Variants in WNT2B observed in about 807,000 individuals in gnomAD.
WNT2B encodes Wnt family member 2B, also known as protein Wnt-2b.
WNT2B carries 19 observed loss-of-function variants against 40.5 expected under a neutral mutation model. That is an observed-to-expected ratio of 0.47 (90% CI 0.33 to 0.69). WNT2B has a LOEUF of 0.69. Ranked by LOEUF, WNT2B falls within the 30% of genes least tolerant of loss-of-function variation. WNT2B has a pLI of 0.02. For synonymous variants in WNT2B, 220 were observed against 211.9 expected (o/e 1.04, Z -0.33); for missense variants, 467 against 556.4 (o/e 0.84, Z 1.62).
intron 1 of WNT2B, among the ~76,000 whole-genome samples, chr1:112,468,560 G>A (rs1650776485): frequency 6.6e-6 from 1 of 152,012 alleles, no homozygotes; most frequent in Non-Finnish European, 1.5e-5. Context: ...ATGACATTGA[G>A]CATTTTTTCA....
intron 1 of WNT2B, among the ~76,000 whole-genome samples, chr1:112,476,193 C>T (rs528986082): frequency 6.6e-6 from 1 of 151,968 alleles, no homozygotes; most frequent in Admixed American, 6.6e-5. Context: ...TACCAAATAA[C>T]CCATGGGTCA....
intron 1 of WNT2B, among the ~76,000 whole-genome samples, chr1:112,476,667 A>G (rs1457050386): frequency 6.6e-6 from 1 of 152,168 alleles, no homozygotes; most frequent in Non-Finnish European, 1.5e-5. Flanking sequence ...GAGCAGGAGG[A>G]CCCCAGCATC....
rs1199285398 is a variant in WNT2B, at chr1:112,527,372, C to T, written c.*6863C>T. 6.5e-6 allele frequency: 1 copy of T among 152,772 alleles called. No individual in the cohort carries two copies. Among genetic ancestry groups the T allele is most frequent in the Admixed American group, 6.5e-5 (1 of 15,280 alleles). The allele number at this position is 152,772 out of a possible 1,614,324, so 9.5% of individuals were successfully genotyped here. ...TTTTTGGTCCATCGATCTTGGCTCTCACTGTTCTCCCTGCTTCCCACCCCC... is the reference window on the plus strand; with the variant it reads ...TTTTTGGTCCATCGATCTTGGCTCTTACTGTTCTCCCTGCTTCCCACCCCC... On this transcript the variant is annotated 3_prime_UTR_variant, in exon 5 of 5. Coordinates refer to ENST00000369684, the MANE Select transcript of WNT2B (RefSeq NM_024494.3).
At position 112,521,310 on chromosome 1, in the gene WNT2B, CCTTT is replaced by C. The variant is rs1190035633; in HGVS notation, c.*802_*805del. 4 of 106,480 alleles carry C rather than the reference CCTTT, an allele frequency of 3.8e-5. No individual in the cohort carries two copies. The highest frequency in any genetic ancestry group is 5.6e-5 in the Non-Finnish European group (3 of 54,044). 6.6% of individuals were successfully genotyped at this position (106,480 alleles called of 1,614,324 possible). A position where few individuals can be genotyped will look rare whatever the true frequency, so the allele number is the denominator to read the frequency against. On this transcript the variant is annotated 3_prime_UTR_variant, in exon 5 of 5. Coordinates refer to ENST00000369684, the MANE Select transcript of WNT2B (RefSeq NM_024494.3). ...GTAAGTCTGGCTAGGCCTTGTGTTG[CCTTT>C]TTTTTTTTTTTTTTTTTCTTTTCTT...
At chr1:112,507,717 C>T (rs1652158152), upstream of WNT2B, among the ~76,000 whole-genome samples, 1 of 152,172 alleles carries the variant, frequency 6.6e-6, no homozygotes. Flanking sequence ...TTGGGGGCAT[C>T]GGCAGTTACT....
At chr1:112,481,911 C>T (rs1242610722) in intron 1 of WNT2B, among the ~76,000 whole-genome samples, 1 of 151,982 alleles carries the variant, frequency 6.6e-6, no homozygotes, top group Admixed American at 6.6e-5. Flanking sequence ...CCTTGGGAGG[C>T]AGAGGCGGGC....
intron 1 of WNT2B, among the ~76,000 whole-genome samples, chr1:112,512,556 AG>A (rs1206719820): frequency 6.6e-6 from 1 of 152,234 alleles, no homozygotes; most frequent in Non-Finnish European, 1.5e-5. Context: ...GGCCAAAAGC[AG>A]GTGAAGAGAA....
intron 1 of WNT2B, among the ~76,000 whole-genome samples, chr1:112,503,888 C>T (rs898761759): frequency 3.4e-4 from 51 of 152,054 alleles, no homozygotes; most frequent in Non-Finnish European, 5.6e-4. Context: ...AGAGAAGAGA[C>T]ATGGGGAGAG....
chr1:112,483,481 AG>A (rs1651294104), intron 1 of WNT2B, among the ~76,000 whole-genome samples: 1 of 152,196 alleles, frequency 6.6e-6, no homozygotes, highest in Admixed American at 6.5e-5. Flanking sequence ...CAACTCAAAA[AG>A]GATTACAGAT....
chr1:112,490,879 C>G, intron 1 of WNT2B: 1 of 836,300 alleles, frequency 1.2e-6, no homozygotes, highest in Non-Finnish European at 1.9e-6. Context: ...CAAAATTTAC[C>G]TCTTCCGGAA....
chr1:112,487,891 G>A (rs6690056), intron 1 of WNT2B, among the ~76,000 whole-genome samples: 3,827 of 134,900 alleles, frequency 0.028, 169 homozygotes, highest in African/African-American at 0.1. Context: ...CCGAGATTGC[G>A]CCACTGCACT....
Position 112,493,664 on chromosome 1 carries a change from G to A in WNT2B, c.-94-21210G>A, listed in dbSNP as rs529440276. Among the ~76,000 whole-genome samples, 8 of 151,918 alleles carry A rather than the reference G, an allele frequency of 5.3e-5. No homozygotes were observed. The South Asian group carries it at 1.2e-3, about 24-fold the overall frequency. ...AAAACTGAAAAGCAAAGAGAAAAAA[G>A]ACTAGAAAGAAGAAAAAGAATAACC... is the stretch of plus-strand genomic sequence containing the variant. On this transcript the variant is annotated intron_variant, in intron 1 of 4. Transcript: ENST00000256640.
At chr1:112,491,299 T>G (rs111432967) in intron 1 of WNT2B, among the ~76,000 whole-genome samples, 4,498 of 152,074 alleles carry the variant, frequency 0.03, 248 homozygotes, top group African/African-American at 0.1. Context: ...TCCCAGCTAC[T>G]GGGAGACTGA....
At chr1:112,494,307 T>C (rs1329610822) in intron 1 of WNT2B, among the ~76,000 whole-genome samples, 1 of 150,628 alleles carries the variant, frequency 6.6e-6, no homozygotes, top group Non-Finnish European at 1.5e-5. Flanking sequence ...GACGATCCGT[T>C]TCAAAAAAAA....
chr1:112,515,160 A>T lies in WNT2B; in HGVS notation c.403+66A>T. Reference sequence around the variant, plus strand: ...TGTGCTGGGGGTGGTGAGTGGGAAGAGTAGGCAAGATCTCCCCTCTCCTCT... The same window carrying T: ...TGTGCTGGGGGTGGTGAGTGGGAAGTGTAGGCAAGATCTCCCCTCTCCTCT... On this transcript the variant is annotated intron_variant, in intron 2 of 4. Coordinates refer to ENST00000369684, the MANE Select transcript of WNT2B (RefSeq NM_024494.3). This position sits in a 1 kb window ranked among gnomAD's most constrained non-coding sequence, Gnocchi z 4.4. 1 of 1,539,490 alleles carries T rather than the reference A, an allele frequency of 6.5e-7. No homozygotes were observed. Among genetic ancestry groups the T allele is most frequent in the Non-Finnish European group, 8.8e-7 (1 of 1,131,292 alleles).
At chr1:112,470,149 C>G (rs1650834068) in intron 1 of WNT2B, among the ~76,000 whole-genome samples, 1 of 152,166 alleles carries the variant, frequency 6.6e-6, no homozygotes, top group African/African-American at 2.4e-5. Context: ...TTTAGCATTT[C>G]TTGTAGGACA....
At chr1:112,472,244 T>C (rs1437976004) in intron 1 of WNT2B, among the ~76,000 whole-genome samples, 1 of 152,040 alleles carries the variant, frequency 6.6e-6, no homozygotes, top group Non-Finnish European at 1.5e-5. Flanking sequence ...GGGAAGAGTA[T>C]TGGATGTAAG....
At position 112,529,000 on chromosome 1, in the gene WNT2B, G is replaced by A. The variant is rs1242129724; in HGVS notation, c.*8491G>A. ...CCTGCATTTGCTAAAGGTAAAAATC[G>A]CTACTTATGGGGCTTTTGTCATACT... On this transcript the variant is annotated 3_prime_UTR_variant, in exon 5 of 5. Transcript: ENST00000369684. The A allele has an allele frequency of 3.9e-5, 6 of 152,114 alleles. No individual in the cohort carries two copies. The East Asian group carries it at 5.8e-4, about 15-fold the overall frequency. 9.4% of individuals were successfully genotyped at this position (152,114 alleles called of 1,614,324 possible).
chr1:112,474,628 T>G lies in WNT2B; in HGVS notation c.-95+7037T>G, dbSNP rs192521640. Among the ~76,000 whole-genome samples, 26 of 152,312 alleles carry G rather than the reference T, an allele frequency of 1.7e-4. No homozygotes were observed. In the East Asian group the frequency reaches 4.2e-3, roughly 25 times the overall value. ...GAATTCTAAACCCAGTGAAAATACC[T>G]TTCAAAAACAATGGCGATAGTCACT... On this transcript the variant is annotated intron_variant, in intron 1 of 4. Transcript: ENST00000256640.
Sources: allele counts gnomAD v4.1 joint callset (sites outside exome capture counted in the v4.1 genomes callset), GRCh38; gene constraint gnomAD v4.1.1; non-coding constraint Gnocchi (gnomAD v3.1); transcripts MANE v1.5; gene names NCBI Gene and HGNC (gene_info 2026-07-23, HGNC 2026-07-21).